CNN2: variants seen among roughly 807,000 people sequenced by gnomAD.
CNN2 encodes the protein calponin 2.
Under a neutral mutation model 31.0 loss-of-function variants are expected in CNN2, and 21 were observed. That is an observed-to-expected ratio of 0.68 (90% CI 0.48 to 0.98). The LOEUF (loss-of-function observed/expected upper bound fraction) is 0.98. Ranked by LOEUF, CNN2 falls within the 50% of genes least tolerant of loss-of-function variation. CNN2 has a pLI of 0.00. For missense variants in CNN2, 399 were observed against 427.3 expected (o/e 0.93, Z 0.58); for synonymous variants, 165 against 179.6 (o/e 0.92, Z 0.65).
intron 2 of CNN2, among the ~76,000 whole-genome samples, chr19:1,031,794 A>G (rs8101930): frequency 6.7e-6 from 1 of 149,482 alleles, no homozygotes; most frequent in Non-Finnish European, 1.5e-5. Flanking sequence ...TTTTTTGTAT[A>G]TTTAGTAGAG....
rs762783319 is a variant in CNN2, at chr19:1,031,057, C to G, written c.64-14C>G. 1 of 1,609,594 alleles carries G rather than the reference C, an allele frequency of 6.2e-7. No homozygotes were observed. Among genetic ancestry groups the G allele is most frequent in the African/African-American group, 1.3e-5 (1 of 74,814 alleles). On this transcript the variant is annotated splice_polypyrimidine_tract_variant and intron_variant, in intron 1 of 6. Transcript: ENST00000263097. ...CCCCAGCCCAGCTCAGTCTCGTGCCCTTTGCTCCACCAGCTCCTGTCCAAA... is the reference window on the plus strand; with the variant it reads ...CCCCAGCCCAGCTCAGTCTCGTGCCGTTTGCTCCACCAGCTCCTGTCCAAA...
At chr19:1,032,751 T>A in intron 4 of CNN2, 55 bp downstream of exon 4, 2 of 1,380,558 alleles carry the variant, frequency 1.4e-6, no homozygotes, top group Non-Finnish European at 2.0e-6. Context: ...GAGGTGGATG[T>A]AGCTGCTGCA....
chr19:1,026,715 C>A lies in CNN2; in HGVS notation c.54C>A (p.Val18=). Residue 18 remains valine, a synonymous_variant, in exon 1 of 7, where the codon GTC becomes GTA. Coordinates refer to ENST00000263097, the MANE Select transcript of CNN2 (RefSeq NM_004368.4). ...KGPSYGLSAE[V]KNRLLSKYDP... is the part of the protein sequence containing the mutation. ...CCTCGTACGGGCTGTCGGCCGAGGT[C>A]AAGAACCGGGTGAGTGAGGGGCGCC... 6.4e-7 allele frequency: 1 copy of A among 1,551,204 alleles called. No homozygotes were observed. Among genetic ancestry groups the A allele is most frequent in the Non-Finnish European group, 8.7e-7 (1 of 1,147,894 alleles).
At position 1,036,433 on chromosome 19, in the gene CNN2, C is replaced by T. The variant is rs1320652840; in HGVS notation, c.525C>T (p.Cys175=). 4 of 1,613,484 alleles carry T rather than the reference C, an allele frequency of 2.5e-6. No homozygotes were observed. The highest frequency in any genetic ancestry group is 1.6e-4 in the Middle Eastern group (1 of 6,072). Residue 175 remains cysteine, a synonymous_variant, in exon 6 of 7, where the codon TGC becomes TGT. Coordinates refer to ENST00000263097, the MANE Select transcript of CNN2 (RefSeq NM_004368.4). The stretch of plus-strand genomic sequence containing the variant: ...CCCTGCAGATGGGCACCAACAAATG[C>T]GCCAGCCAGTCGGGCATGACTGCCT... The part of the protein sequence containing the change: ...VIGLQMGTNK[C]ASQSGMTAYG...
intron 4 of CNN2, 179 bp from the exon 5 acceptor site, chr19:1,035,951 G>A: frequency 1.1e-6 from 1 of 885,500 alleles, no homozygotes; most frequent in Non-Finnish European, 1.6e-6. Flanking sequence ...TGAAACAGCT[G>A]TATGATGGGT....
At chr19:1,029,567 G>C (rs2637109) in intron 1 of CNN2, among the ~76,000 whole-genome samples, 22,818 of 117,702 alleles carry the variant, frequency 0.19, 4,962 homozygotes, top group African/African-American at 0.51. Context: ...GCAGGTCCAG[G>C]TCAGGGGACC....
chr19:1,031,398 A>G (rs904823919), intron 2 of CNN2, among the ~76,000 whole-genome samples: 1 of 150,504 alleles, frequency 6.6e-6, no homozygotes, highest in Non-Finnish European at 1.5e-5. Flanking sequence ...AACATGGTGA[A>G]ACCCCGTCTG....
Position 1,038,545 on chromosome 19 carries a change from C to T in CNN2, c.*645C>T, listed in dbSNP as rs1376526947. 6.6e-6 allele frequency: 1 copy of T among 152,264 alleles called. No homozygotes were observed. Among genetic ancestry groups the T allele is most frequent in the Admixed American group, 6.5e-5 (1 of 15,268 alleles). The allele number at this position is 152,264 out of a possible 1,614,324, so 9.4% of individuals were successfully genotyped here. A position where few individuals can be genotyped will look rare whatever the true frequency, so the allele number is the denominator to read the frequency against. Reference sequence around the variant, plus strand: ...TCTGAGTTGTTGGGGCTAAGCCTGACCCCCTCTCCATGCTCCCCGCCCCAA... The same window carrying T: ...TCTGAGTTGTTGGGGCTAAGCCTGATCCCCTCTCCATGCTCCCCGCCCCAA... On this transcript the variant is annotated 3_prime_UTR_variant, in exon 7 of 7. Coordinates refer to ENST00000263097, the MANE Select transcript of CNN2 (RefSeq NM_004368.4).
At chr19:1,037,329 G>T (rs2039607027) in intron 6 of CNN2, 2 of 345,490 alleles carry the variant, frequency 5.8e-6, no homozygotes, top group Non-Finnish European at 5.4e-6. Context: ...GTAGATATGG[G>T]GTTTCACCGT....
Position 1,034,249 on chromosome 19 carries a change from A to T in CNN2, c.390+1553A>T, listed in dbSNP as rs530457774. ...GGTGTAGACGGTAAGCGTGGGTGGGACACGGTGTCTGGTGTAGACCGGGAG... is the reference window on the plus strand; with the variant it reads ...GGTGTAGACGGTAAGCGTGGGTGGGTCACGGTGTCTGGTGTAGACCGGGAG... On this transcript the variant is annotated intron_variant, in intron 4 of 6. Transcript: ENST00000263097. 1.7e-3 allele frequency among the ~76,000 whole-genome samples: 12 copies of T among 7,238 alleles called. 2 individuals carry two copies. Among genetic ancestry groups the T allele is most frequent in the Non-Finnish European group, 1.7e-3 (7 of 4,206 alleles). 4.7% of individuals were successfully genotyped at this position (7,238 alleles called of 152,430 possible). A position where few individuals can be genotyped will look rare whatever the true frequency, so the allele number is the denominator to read the frequency against.
intron 2 of CNN2, 48 bp downstream of exon 2, chr19:1,031,240 G>T (rs1429944103): frequency 3.5e-6 from 5 of 1,441,360 alleles, no homozygotes; most frequent in African/African-American, 1.5e-5. Context: ...ACAAATCTTG[G>T]TTTTTCTCAC....
At chr19:1,026,839 G>A in intron 1 of CNN2, 115 bp downstream of exon 1, 2 of 1,013,536 alleles carry the variant, frequency 2.0e-6, no homozygotes, top group Non-Finnish European at 2.8e-6. Flanking sequence ...GGAGACCCGG[G>A]GCGGACGGGC....
chr19:1,027,467 C>A (rs1034304705), intron 1 of CNN2, among the ~76,000 whole-genome samples: 1 of 152,180 alleles, frequency 6.6e-6, no homozygotes, highest in Non-Finnish European at 1.5e-5. Context: ...TTGAGCCCAG[C>A]GAGTTCGAGA....
chr19:1,032,690 G>A lies in CNN2; in HGVS notation c.384G>A (p.Ala128=), dbSNP rs1141534. Reference sequence around the variant, plus strand: ...TGCAGGTGTCTCTTCTCGCCCTGGCGGGGAAGGTGAGGCCCAGAGAGGGGC... The same window carrying A: ...TGCAGGTGTCTCTTCTCGCCCTGGCAGGGAAGGTGAGGCCCAGAGAGGGGC... ...TQVQVSLLAL[A]GKAKTKGLQS... The change falls in exon 4 of 7, where the codon GCG becomes GCA. Residue 128 remains alanine, a synonymous_variant. Coordinates refer to ENST00000263097, the MANE Select transcript of CNN2 (RefSeq NM_004368.4). The A allele has an allele frequency of 1.1e-5, 17 of 1,608,548 alleles. No homozygotes were observed. Among genetic ancestry groups the A allele is most frequent in the African/African-American group, 6.7e-5 (5 of 74,796 alleles).
intron 2 of CNN2, 145 bp downstream of exon 2, chr19:1,031,337 G>T: frequency 3.0e-6 from 1 of 332,088 alleles, no homozygotes; most frequent in Non-Finnish European, 5.2e-6. Context: ...GCCGAGGGTG[G>T]TGGCGGGGGG....
Position 1,035,188 on chromosome 19 carries a change from G to A in CNN2, c.391-942G>A, listed in dbSNP as rs1446706252. On this transcript the variant is annotated intron_variant, in intron 4 of 6. Coordinates refer to ENST00000263097, the MANE Select transcript of CNN2 (RefSeq NM_004368.4). ...ACGGTGTCTGGTGTAGACGGGGAGC[G>A]TGGGTGGGACACGGTGTCTGGTGTA... Among the ~76,000 whole-genome samples, 91 of 142,982 alleles carry A rather than the reference G, an allele frequency of 6.4e-4. 1 individual carries two copies. Among genetic ancestry groups the A allele is most frequent in the African/African-American group, 2.2e-3 (88 of 39,378 alleles). 93.8% of individuals were successfully genotyped at this position (142,982 alleles called of 152,430 possible).
intron 1 of CNN2, among the ~76,000 whole-genome samples, chr19:1,028,717 G>A (rs2039440354): frequency 6.7e-6 from 1 of 150,212 alleles, no homozygotes; most frequent in East Asian, 2.0e-4. Flanking sequence ...CGGGGGTGGG[G>A]GAGGACGGCA....
Position 1,037,998 on chromosome 19 carries a change from T to A in CNN2, c.*98T>A, listed in dbSNP as rs1488218487. 8.1e-6 allele frequency: 10 copies of A among 1,235,586 alleles called. No individual in the cohort carries two copies. The African/African-American group carries it at 1.4e-4, about 17-fold the overall frequency. The allele number at this position is 1,235,586 out of a possible 1,614,324, so 76.5% of individuals were successfully genotyped here. On this transcript the variant is annotated 3_prime_UTR_variant, in exon 7 of 7. Coordinates refer to ENST00000263097, the MANE Select transcript of CNN2 (RefSeq NM_004368.4). ...TTTTTTTTTTTCTTAACCCGTTCAG[T>A]GCTGCCAGTCAACCAAGGGTCTGTG...
Position 1,038,056 on chromosome 19 carries a change from T to C in CNN2, c.*156T>C. ...GCGTGGGATCAGGCAGCAGAGCTTT[T>C]TTCCCCTTTGCCTTGATCCTTCGCA... On this transcript the variant is annotated 3_prime_UTR_variant, in exon 7 of 7. Coordinates refer to ENST00000263097, the MANE Select transcript of CNN2 (RefSeq NM_004368.4). 2.5e-6 allele frequency: 2 copies of C among 787,990 alleles called. No individual in the cohort carries two copies. Among genetic ancestry groups the C allele is most frequent in the Non-Finnish European group, 3.9e-6 (2 of 512,190 alleles). The allele number at this position is 787,990 out of a possible 1,614,324, so 48.8% of individuals were successfully genotyped here.
Sources: allele counts gnomAD v4.1 joint callset (sites outside exome capture counted in the v4.1 genomes callset), GRCh38; gene constraint gnomAD v4.1.1; transcripts MANE v1.5; gene names NCBI Gene and HGNC (gene_info 2026-07-23, HGNC 2026-07-21).